ESRRG: variants seen among roughly 807,000 people sequenced by gnomAD.
The protein encoded by ESRRG is estrogen related receptor gamma.
Under a neutral mutation model 44.0 loss-of-function variants are expected in ESRRG, and 13 were observed. That is an observed-to-expected ratio of 0.30 (90% CI 0.19 to 0.47). ESRRG has a LOEUF of 0.47. ESRRG is among the 20% of genes least tolerant of loss of function. The pLI, the probability that ESRRG is intolerant of heterozygous loss-of-function variation, is 1.00. For synonymous variants in ESRRG, 215 were observed against 214.6 expected (o/e 1.00, Z -0.02); for missense variants, 395 against 580.6 (o/e 0.68, Z 3.29).
intron 1 of ESRRG, among the ~76,000 whole-genome samples, chr1:216,717,031 A>G (rs1038791036): frequency 6.6e-6 from 1 of 151,900 alleles, no homozygotes; most frequent in Admixed American, 6.6e-5. Flanking sequence ...AATTAAAATG[A>G]CATATCATTT....
At chr1:216,919,510 G>T (rs889876033) in intron 2 of ESRRG, among the ~76,000 whole-genome samples, 5 of 152,158 alleles carry the variant, frequency 3.3e-5, no homozygotes. Flanking sequence ...TAAATCCGTT[G>T]CTAGGTTAAC....
intron 2 of ESRRG, among the ~76,000 whole-genome samples, chr1:216,854,032 C>G (rs1317423532): frequency 6.6e-6 from 1 of 152,106 alleles, no homozygotes; most frequent in Non-Finnish European, 1.5e-5. Flanking sequence ...GGGAGTTAGG[C>G]TCAGCTGGCT....
chr1:217,027,956 C>T (rs1021270668), intron 1 of ESRRG, among the ~76,000 whole-genome samples: 3 of 152,170 alleles, frequency 2.0e-5, no homozygotes, highest in Non-Finnish European at 4.4e-5. Flanking sequence ...AAACTAATGC[C>T]TTACTAACAG....
intron 2 of ESRRG, among the ~76,000 whole-genome samples, chr1:216,926,024 GA>G (rs2062517919): frequency 6.6e-6 from 1 of 152,156 alleles, no homozygotes; most frequent in South Asian, 2.1e-4. Context: ...GCGAGCATGA[GA>G]AAAAGGCCAC....
chr1:216,702,776 C>CAAAA (rs5780911), intron 1 of ESRRG, among the ~76,000 whole-genome samples: 3 of 95,136 alleles, frequency 3.2e-5, no homozygotes, highest in African/African-American at 1.2e-4. Flanking sequence ...GACTCTGCCT[C>CAAAA]AAAAAAAAAA....
At chr1:216,535,746 T>C (rs570881060) in intron 5 of ESRRG, among the ~76,000 whole-genome samples, 1 of 152,244 alleles carries the variant, frequency 6.6e-6, no homozygotes, top group South Asian at 2.1e-4. Flanking sequence ...CCCTCTATTC[T>C]GATAAAATCT....
Position 216,974,146 on chromosome 1 carries a change from T to A in ESRRG, c.-105-34473A>T, listed in dbSNP as rs1344750818. ...ATAAGTAGGTAACTTTCAACTATAT[T>A]CATCTTCCCAAAAGTCTTGCTAATT... On this transcript the variant is annotated intron_variant, in intron 1 of 7. Transcript: ENST00000359162. Among the ~76,000 whole-genome samples, 4 of 152,200 alleles carry A rather than the reference T, an allele frequency of 2.6e-5. No homozygotes were observed. The South Asian group carries it at 6.2e-4, about 24-fold the overall frequency.
intron 2 of ESRRG, among the ~76,000 whole-genome samples, chr1:216,833,189 A>T (rs114886608): frequency 6.6e-6 from 1 of 151,206 alleles, no homozygotes; most frequent in Non-Finnish European, 1.5e-5. Flanking sequence ...CTATGGATTG[A>T]CCGTTCTGCA....
chr1:216,563,967 T>G (rs936103866), intron 5 of ESRRG, among the ~76,000 whole-genome samples: 2 of 152,176 alleles, frequency 1.3e-5, no homozygotes, highest in South Asian at 4.1e-4. Flanking sequence ...ATTTATATTC[T>G]CGTTAGCTTA....
At chr1:216,934,042 C>T (rs1388244631) in intron 2 of ESRRG, among the ~76,000 whole-genome samples, 2 of 152,068 alleles carry the variant, frequency 1.3e-5, no homozygotes, top group African/African-American at 4.8e-5. Context: ...TTTTATTAAC[C>T]TTATTATTGA....
intron 1 of ESRRG, among the ~76,000 whole-genome samples, chr1:217,082,995 T>C (rs1291638038): frequency 1.3e-5 from 2 of 152,242 alleles, no homozygotes; most frequent in African/African-American, 4.8e-5. Flanking sequence ...GTGCTTTCTT[T>C]TAAACACCAA....
intron 2 of ESRRG, among the ~76,000 whole-genome samples, chr1:216,915,937 T>C (rs2061108075): frequency 6.6e-6 from 1 of 152,184 alleles, no homozygotes; most frequent in Admixed American, 6.6e-5. Context: ...TAGGAGATCT[T>C]GTGAACTATT....
chr1:216,858,478 G>T (rs887554998), intron 2 of ESRRG, among the ~76,000 whole-genome samples: 1 of 140,808 alleles, frequency 7.1e-6, no homozygotes, highest in Non-Finnish European at 1.5e-5. Context: ...ATTAAATGAA[G>T]TTGTTGTACG....
intron 2 of ESRRG, among the ~76,000 whole-genome samples, chr1:216,935,775 C>T (rs1260472683): frequency 6.6e-6 from 1 of 151,974 alleles, no homozygotes; most frequent in Non-Finnish European, 1.5e-5. Flanking sequence ...TGCCACCATG[C>T]CTGGCTAATT....
At chr1:216,747,143 T>G (rs1256052958) in intron 2 of ESRRG, among the ~76,000 whole-genome samples, 1 of 152,168 alleles carries the variant, frequency 6.6e-6, no homozygotes, top group Non-Finnish European at 1.5e-5. Flanking sequence ...TTTACCTATT[T>G]GTGAGATAAA....
chr1:216,527,678 C>T (rs1276659012), intron 5 of ESRRG, among the ~76,000 whole-genome samples: 1 of 152,186 alleles, frequency 6.6e-6, no homozygotes, highest in Non-Finnish European at 1.5e-5. Context: ...CTTCACTGAT[C>T]TCTCACCAAG....
intron 3 of ESRRG, among the ~76,000 whole-genome samples, chr1:216,611,758 TA>T (rs576949958): frequency 0.013 from 1,819 of 143,940 alleles, 25 homozygotes; most frequent in African/African-American, 0.032. Context: ...TAGAGGTATG[TA>T]AAAAAAAAAA....
intron 5 of ESRRG, among the ~76,000 whole-genome samples, chr1:216,534,900 T>C (rs2050467041): frequency 6.6e-6 from 1 of 152,116 alleles, no homozygotes; most frequent in Non-Finnish European, 1.5e-5. Context: ...ACCAGATAGC[T>C]TGTCTGCAAT....
At chr1:216,545,105 C>T (rs1218856419) in intron 5 of ESRRG, among the ~76,000 whole-genome samples, 1 of 151,866 alleles carries the variant, frequency 6.6e-6, no homozygotes. Context: ...GTCTGGAGTA[C>T]AGTGGCACAA....
Sources: gnomAD v4.1 joint callset for allele counts (sites outside exome capture counted in the v4.1 genomes callset) on GRCh38, gnomAD v4.1.1 for gene constraint, MANE v1.5 for transcripts, NCBI Gene and HGNC (gene_info 2026-07-23, HGNC 2026-07-21) for gene names.